Variants in FGF10 observed in about 807,000 individuals in gnomAD.
FGF10 encodes the protein FGF-10.
In FGF10, 2 loss-of-function variants were observed where a neutral mutation model predicts 19.8. The observed-to-expected ratio is 0.10, with a 90% CI of 0.04 to 0.32. The LOEUF (loss-of-function observed/expected upper bound fraction) is 0.32, where lower values mean the gene tolerates loss of function less well. FGF10 is among the 10% of genes least tolerant of loss of function. The pLI is 1.00. For synonymous variants in FGF10, 112 were observed against 94.0 expected, an observed-to-expected ratio of 1.19 and a Z score of -1.10; for missense variants, 191 against 246.3, an observed-to-expected ratio of 0.78 and a Z score of 1.50.
At chr5:44,305,952 C>T (rs978857169) in intron 2 of FGF10, among the ~76,000 whole-genome samples, 39 of 152,224 alleles carry the variant, frequency 2.6e-4, no homozygotes, top group African/African-American at 9.1e-4. Flanking sequence ...AAGTTCCATC[C>T]CATAGCCATA....
chr5:44,388,579 A>G lies in FGF10; in HGVS notation c.104T>C (p.Val35Ala), dbSNP rs1007631855. ...LLLFLVSSVP[V>A]TCQALGQDMV... ...GTCCTGACCAAGGGCTTGGCAGGTGACAGGGACGGAAGACACCAAGAACAG... is the reference window on the plus strand; with the variant it reads ...GTCCTGACCAAGGGCTTGGCAGGTGGCAGGGACGGAAGACACCAAGAACAG... The change falls in exon 1 of 3, where the codon GTC (valine) becomes GCC (alanine). Residue 35 changes from valine (V) to alanine (A), a missense_variant. By Grantham distance (64) the Val-to-Ala change is moderately conservative (BLOSUM62 0). This residue lies in a region of FGF10 where 92 missense variants were observed against 84.6 expected (regional missense o/e 1.09). Coordinates refer to ENST00000264664, the MANE Select transcript of FGF10 (RefSeq NM_004465.2). 2 of 1,614,034 alleles carry G rather than the reference A, an allele frequency of 1.2e-6. No individual in the cohort carries two copies. Among genetic ancestry groups the G allele is most frequent in the African/African-American group, 1.3e-5 (1 of 74,918 alleles).
At chr5:44,368,366 T>C (rs1453811107) in intron 1 of FGF10, among the ~76,000 whole-genome samples, 1 of 151,266 alleles carries the variant, frequency 6.6e-6, no homozygotes, top group Non-Finnish European at 1.5e-5. Context: ...GAAAAAGATG[T>C]CTTTGGCTAA....
intron 1 of FGF10, among the ~76,000 whole-genome samples, chr5:44,317,231 G>A (rs779433981): frequency 7.2e-5 from 11 of 152,054 alleles, no homozygotes; most frequent in East Asian, 3.9e-4. Flanking sequence ...CTGTCAATAC[G>A]CTTGACATGC....
chr5:44,348,733 A>T (rs1223371045), intron 1 of FGF10, among the ~76,000 whole-genome samples: 1 of 151,584 alleles, frequency 6.6e-6, no homozygotes, highest in Non-Finnish European at 1.5e-5. Flanking sequence ...TTATAAAAAG[A>T]ATCTGTTATT....
chr5:44,361,996 C>G (rs1441968726), intron 1 of FGF10, among the ~76,000 whole-genome samples: 1 of 151,576 alleles, frequency 6.6e-6, no homozygotes, highest in Admixed American at 6.6e-5. Flanking sequence ...GTCTTTATGC[C>G]TCCTGCTTCT....
intron 1 of FGF10, among the ~76,000 whole-genome samples, chr5:44,365,661 G>T (rs1741591326): frequency 6.6e-6 from 1 of 151,938 alleles, no homozygotes; most frequent in Non-Finnish European, 1.5e-5. Flanking sequence ...CCCAGTCTCA[G>T]GTCCTTTGCC....
intron 1 of FGF10, among the ~76,000 whole-genome samples, chr5:44,351,156 G>T (rs1579925387): frequency 6.6e-6 from 1 of 151,572 alleles, no homozygotes; most frequent in East Asian, 1.9e-4. Flanking sequence ...TCTTTAGGAA[G>T]AAGATGCTAA....
intron 1 of FGF10, among the ~76,000 whole-genome samples, chr5:44,339,464 G>T (rs1438673337): frequency 6.6e-6 from 1 of 152,200 alleles, no homozygotes; most frequent in Non-Finnish European, 1.5e-5. Context: ...AAGGCGTTCT[G>T]TTGGGGATAA....
chr5:44,344,044 ACTC>A (rs891779076), intron 1 of FGF10, among the ~76,000 whole-genome samples: 2 of 151,926 alleles, frequency 1.3e-5, no homozygotes, highest in African/African-American at 4.8e-5. Flanking sequence ...TCAAAGCACA[ACTC>A]TGATTAAAGA....
intron 2 of FGF10, among the ~76,000 whole-genome samples, chr5:44,307,904 C>T (rs907031396): frequency 1.3e-5 from 2 of 152,160 alleles, no homozygotes; most frequent in African/African-American, 4.8e-5. Context: ...CTTTCTGAGA[C>T]AGGCTGGAAG....
At chr5:44,326,536 C>G (rs1234570805) in intron 1 of FGF10, among the ~76,000 whole-genome samples, 1 of 151,864 alleles carries the variant, frequency 6.6e-6, no homozygotes, top group Non-Finnish European at 1.5e-5. Flanking sequence ...GTAGCTGGGA[C>G]TACAGGCACA....
chr5:44,332,135 C>T (rs763686316), intron 1 of FGF10, among the ~76,000 whole-genome samples: 1 of 152,112 alleles, frequency 6.6e-6, no homozygotes, highest in Non-Finnish European at 1.5e-5. Context: ...TAAAGTCTCT[C>T]TCTCTCTCTT....
intron 1 of FGF10, among the ~76,000 whole-genome samples, chr5:44,381,642 T>C (rs2111920183): frequency 6.6e-6 from 1 of 152,306 alleles, no homozygotes; most frequent in Non-Finnish European, 1.5e-5. Context: ...TCTATGAACA[T>C]GTCAAGTTGT....
chr5:44,321,594 G>A (rs185734400), intron 1 of FGF10, among the ~76,000 whole-genome samples: 1 of 152,306 alleles, frequency 6.6e-6, no homozygotes, highest in Admixed American at 6.5e-5. Flanking sequence ...CTGAATGTGA[G>A]TCTATGCACT....
At chr5:44,313,523 C>G (rs1740257926) in intron 1 of FGF10, among the ~76,000 whole-genome samples, 1 of 151,664 alleles carries the variant, frequency 6.6e-6, no homozygotes, top group Non-Finnish European at 1.5e-5. Flanking sequence ...CATACTGGAT[C>G]TCCCCGTGTT....
chr5:44,307,267 G>T (rs1181847188), intron 2 of FGF10, among the ~76,000 whole-genome samples: 1 of 152,108 alleles, frequency 6.6e-6, no homozygotes. Context: ...TTGTTGACAG[G>T]ATCTAAGCAA....
intron 1 of FGF10, among the ~76,000 whole-genome samples, chr5:44,363,362 G>A (rs1249552732): frequency 1.3e-5 from 2 of 151,902 alleles, no homozygotes; most frequent in Non-Finnish European, 1.5e-5. Context: ...AATGAAATGG[G>A]AATTTTAACC....
chr5:44,367,050 C>T (rs1392654874), intron 1 of FGF10, among the ~76,000 whole-genome samples: 2 of 151,868 alleles, frequency 1.3e-5, no homozygotes, highest in Non-Finnish European at 2.9e-5. Flanking sequence ...AAATAGTGTT[C>T]CTCATATGTG....
At position 44,316,765 on chromosome 5, in the gene FGF10, A is replaced by C. The variant is rs371836341; in HGVS notation, c.326-6235T>G. Among the ~76,000 whole-genome samples the C allele has an allele frequency of 2.2e-3, 332 of 152,306 alleles. 5 individuals carry two copies. The highest frequency in any genetic ancestry group is 7.7e-3 in the African/African-American group (321 of 41,574). On this transcript the variant is annotated intron_variant, in intron 1 of 2. Transcript: ENST00000264664. ...GGTATGGGATTTTTAACATCTACAT[A>C]ACTATGGTATTGTGAATTTGGGATT...
Sources: allele counts gnomAD v4.1 joint callset (sites outside exome capture counted in the v4.1 genomes callset), GRCh38; gene constraint gnomAD v4.1.1; regional missense constraint gnomAD v4.1.1; transcripts MANE v1.5; gene names NCBI Gene and HGNC (gene_info 2026-07-23, HGNC 2026-07-21).